INSL6: variants seen among roughly 807,000 people sequenced by gnomAD.
INSL6 encodes insulin like 6.
A neutral mutation model predicts 9.4 loss-of-function variants in INSL6; 16 were observed. The observed-to-expected ratio is 1.70, with a 90% CI of 1.15 to 2.59. The LOEUF (loss-of-function observed/expected upper bound fraction) is 2.59, where lower values mean the gene tolerates loss of function less well. Ranked by LOEUF, INSL6 falls within the 30% of genes most tolerant of loss-of-function variation. The pLI is 0.00. For synonymous variants in INSL6, 154 were observed against 96.9 expected, an observed-to-expected ratio of 1.59 and a Z score of -3.46; for missense variants, 391 against 257.3, an observed-to-expected ratio of 1.52 and a Z score of -3.56.
chr9:5,090,654 A>G, the INSL6 span: 1 of 1,515,178 alleles, frequency 6.6e-7, no homozygotes, highest in Non-Finnish European at 8.9e-7. Context: ...GTTTTCATAG[A>G]TAATAAAGGG....
downstream of INSL6, among the ~76,000 whole-genome samples, chr9:5,159,887 T>A (rs933402122): frequency 2.6e-5 from 4 of 152,222 alleles, no homozygotes; most frequent in Non-Finnish European, 4.4e-5. Context: ...ATAGACCACA[T>A]GTGGCCAGGT....
chr9:5,073,959 A>G, the INSL6 span, among the ~76,000 whole-genome samples: 1 of 152,182 alleles, frequency 6.6e-6, no homozygotes, highest in Non-Finnish European at 1.5e-5. Flanking sequence ...TCTTGTGAAA[A>G]AGGAAAGCAA....
chr9:5,046,835 G>A, the INSL6 span, among the ~76,000 whole-genome samples: 3 of 152,096 alleles, frequency 2.0e-5, no homozygotes, highest in South Asian at 4.1e-4. Context: ...TTGCTTTTAC[G>A]GGTATATTAT....
At chr9:5,122,506 T>A (rs1395121635), downstream of INSL6, among the ~76,000 whole-genome samples, 1 of 152,136 alleles carries the variant, frequency 6.6e-6, no homozygotes, top group Admixed American at 6.6e-5. Flanking sequence ...ACTCTGCAGT[T>A]AACCTTGGTG....
At chr9:5,050,611 T>C in the INSL6 span, 3 of 1,422,992 alleles carry the variant, frequency 2.1e-6, no homozygotes, top group Non-Finnish European at 2.9e-6. Context: ...AAAATTATGA[T>C]TAAAATATAA....
downstream of INSL6, among the ~76,000 whole-genome samples, chr9:5,119,728 A>G (rs1438078659): frequency 1.3e-5 from 2 of 152,208 alleles, no homozygotes. Context: ...GGGAATAATT[A>G]GAAGCAACTT....
At chr9:5,117,550 C>T in the INSL6 span, among the ~76,000 whole-genome samples, 1 of 152,094 alleles carries the variant, frequency 6.6e-6, no homozygotes, top group South Asian at 2.1e-4. Flanking sequence ...TTTAACCAAA[C>T]ATTGAAGAGA....
At chr9:5,177,040 A>AG (rs1294957806) in intron 1 of INSL6, among the ~76,000 whole-genome samples, 25 of 152,200 alleles carry the variant, frequency 1.6e-4, no homozygotes, top group Non-Finnish European at 3.4e-4. Flanking sequence ...GACTTTGATT[A>AG]GGATGACTTT....
chr9:5,025,961 C>T, the INSL6 span, among the ~76,000 whole-genome samples: 1 of 152,208 alleles, frequency 6.6e-6, no homozygotes, highest in South Asian at 2.1e-4. Context: ...TCTTTGTCTT[C>T]ATAACTTATA....
the INSL6 span, among the ~76,000 whole-genome samples, chr9:5,036,069 C>T: frequency 3.3e-5 from 5 of 152,172 alleles, no homozygotes; most frequent in Non-Finnish European, 5.9e-5. Flanking sequence ...AAATCACAAG[C>T]GTTCTTACCC....
At chr9:5,184,351 A>G (rs947938661) in intron 1 of INSL6, among the ~76,000 whole-genome samples, 8 of 152,200 alleles carry the variant, frequency 5.3e-5, no homozygotes, top group African/African-American at 1.7e-4. Context: ...ATACACTATA[A>G]ACAAAGTGCA....
the INSL6 span, among the ~76,000 whole-genome samples, chr9:5,045,789 A>G: frequency 3.3e-5 from 5 of 152,206 alleles, no homozygotes; most frequent in African/African-American, 1.2e-4. Flanking sequence ...TTGCATATGT[A>G]TACTGCATTT....
chr9:5,119,096 C>T (rs1823423137), downstream of INSL6, among the ~76,000 whole-genome samples: 1 of 152,032 alleles, frequency 6.6e-6, no homozygotes, highest in Non-Finnish European at 1.5e-5. Flanking sequence ...ATGATTTAAA[C>T]ACAGCAAACC....
the INSL6 span, among the ~76,000 whole-genome samples, chr9:5,057,701 G>A: frequency 6.7e-6 from 1 of 150,056 alleles, no homozygotes; most frequent in Non-Finnish European, 1.5e-5. Context: ...TCCTGCCTCA[G>A]CCTCCCGATA....
the INSL6 span, among the ~76,000 whole-genome samples, chr9:5,095,538 G>A: frequency 0.4 from 60,014 of 151,874 alleles, 13,833 homozygotes; most frequent in African/African-American, 0.65. Flanking sequence ...TAGTAATAAA[G>A]CTAGAAATAG....
At chr9:5,048,507 T>C in the INSL6 span, among the ~76,000 whole-genome samples, 1 of 152,012 alleles carries the variant, frequency 6.6e-6, no homozygotes, top group Non-Finnish European at 1.5e-5. Flanking sequence ...ATTGATCATC[T>C]TCTACTTAAA....
chr9:5,069,993 A>T, the INSL6 span: 1 of 1,608,270 alleles, frequency 6.2e-7, no homozygotes, highest in Non-Finnish European at 8.5e-7. Context: ...AACATTACAG[A>T]GGCCTACTCA....
At chr9:5,119,050 C>T (rs1035628269), downstream of INSL6, among the ~76,000 whole-genome samples, 5 of 152,200 alleles carry the variant, frequency 3.3e-5, no homozygotes, top group South Asian at 1.0e-3. Flanking sequence ...ATTATTAATA[C>T]ATTATTATTA....
At chr9:5,087,495 C>T in the INSL6 span, among the ~76,000 whole-genome samples, 94,418 of 152,032 alleles carry the variant, frequency 0.62, 31,463 homozygotes, top group African/African-American at 0.88. Context: ...TGATTTCTTT[C>T]CTGGTCCTAT....
Sources: gnomAD v4.1 joint callset for allele counts (sites outside exome capture counted in the v4.1 genomes callset) on GRCh38, gnomAD v4.1.1 for gene constraint, MANE v1.5 for transcripts, NCBI Gene and HGNC (gene_info 2026-07-23, HGNC 2026-07-21) for gene names.